FREM3: variants seen among roughly 807,000 people sequenced by gnomAD.
The protein encoded by FREM3 is FRAS1 related extracellular matrix 3.
Under a neutral mutation model 129.1 loss-of-function variants are expected in FREM3, and 105 were observed. The observed-to-expected ratio is 0.81, with a 90% CI of 0.69 to 0.96. The LOEUF is 0.96. Ranked by LOEUF, FREM3 falls within the 40% of genes least tolerant of loss-of-function variation. The pLI is 0.00. For synonymous variants in FREM3, 1,014 were observed against 1,044.9 expected, an observed-to-expected ratio of 0.97 and a Z score of 0.57; for missense variants, 2,593 against 2,666.3, an observed-to-expected ratio of 0.97 and a Z score of 0.61.
rs1239774049 is a variant in FREM3 at position 143,648,938 on chromosome 4, TA to T, written c.5276-21179del. On this transcript the variant is annotated intron_variant, in intron 2 of 7. Transcript: ENST00000329798. ...CACCACACCCAGCTAATTAAAGCAT[TA>T]AAAAAATAGAGATAGGGTCTTGCTA... 3.3e-5 allele frequency among the ~76,000 whole-genome samples: 5 copies of T among 152,170 alleles called. No individual in the cohort carries two copies. The East Asian group carries it at 5.8e-4, about 18-fold the overall frequency.
chr4:143,584,146 A>G (rs1042753376), intron 7 of FREM3, among the ~76,000 whole-genome samples: 3 of 152,014 alleles, frequency 2.0e-5, no homozygotes, highest in African/African-American at 7.3e-5. Flanking sequence ...GCGGTGGCTC[A>G]CGCCTGTAAT....
intron 2 of FREM3, among the ~76,000 whole-genome samples, chr4:143,654,107 A>G (rs573385707): frequency 2.0e-5 from 3 of 152,080 alleles, no homozygotes; most frequent in Non-Finnish European, 4.4e-5. Flanking sequence ...AATTAAAAAA[A>G]TTTTTTTATT....
Position 143,697,701 on chromosome 4 carries a change from G to A in FREM3, c.2975C>T (p.Pro992Leu). ...LMLSFIVKDS[P>L]KLGTILVNGL... is the part of the protein sequence containing the mutation. ...ATTTACCAGAATAGTGCCCAGTTTGGGGCTGTCCTTTACAATGAAAGACAG... is the reference window on the plus strand; with the variant it reads ...ATTTACCAGAATAGTGCCCAGTTTGAGGCTGTCCTTTACAATGAAAGACAG... Residue 992 changes from proline to leucine, a missense_variant, in exon 1 of 8, where the codon CCC (proline) becomes CTC (leucine). By Grantham distance (98) the Pro-to-Leu change is moderately conservative. Transcript: ENST00000329798. 6.5e-7 allele frequency: 1 copy of A among 1,537,652 alleles called. No homozygotes were observed. The highest frequency in any genetic ancestry group is 8.7e-7 in the Non-Finnish European group (1 of 1,147,020).
chr4:143,636,004 C>T (rs1176436235), intron 2 of FREM3, among the ~76,000 whole-genome samples: 1 of 152,026 alleles, frequency 6.6e-6, no homozygotes, highest in Non-Finnish European at 1.5e-5. Flanking sequence ...CTCATCTGCT[C>T]CCTCATCTAT....
intron 2 of FREM3, among the ~76,000 whole-genome samples, chr4:143,692,724 A>G (rs139615983): frequency 6.6e-6 from 1 of 152,314 alleles, no homozygotes; most frequent in East Asian, 1.9e-4. Context: ...AGTTCTGCAG[A>G]TAAAAATCCC....
At chr4:143,602,338 A>G (rs946456972) in intron 6 of FREM3, among the ~76,000 whole-genome samples, 2 of 152,210 alleles carry the variant, frequency 1.3e-5, no homozygotes, top group African/African-American at 2.4e-5. Flanking sequence ...TATTCTAAAA[A>G]AGATATAATT....
intron 6 of FREM3, among the ~76,000 whole-genome samples, chr4:143,592,392 C>G (rs572281336): frequency 2.8e-4 from 42 of 151,558 alleles, no homozygotes; most frequent in Non-Finnish European, 4.3e-4. Context: ...TTGTTCCTTT[C>G]CATGTTTAGT....
At chr4:143,588,371 C>T (rs561364022) in intron 6 of FREM3, among the ~76,000 whole-genome samples, 1 of 151,988 alleles carries the variant, frequency 6.6e-6, no homozygotes, top group Non-Finnish European at 1.5e-5. Context: ...TTAGGTATAT[C>T]TCCTAATGCT....
intron 2 of FREM3, among the ~76,000 whole-genome samples, chr4:143,674,731 G>A (rs965189672): frequency 2.0e-5 from 3 of 152,036 alleles, no homozygotes; most frequent in Non-Finnish European, 4.4e-5. Flanking sequence ...AAAAAAGCAG[G>A]GGTTGCAATC....
In FREM3 at chr4:143,697,791, T is replaced by C; in HGVS notation, c.2885A>G (p.Asn962Ser). ...ACCCATGGTAATTTCAGTGGCTTTA[T>C]TCTCTAGTACGTCTATAGAAACATC... ...LLDVSIDVLE[N>S]KATEITMGVI... Residue 962 changes from asparagine (N) to serine (S), a missense_variant, in exon 1 of 8, where the codon AAT becomes AGT. By Grantham distance (46) the Asn-to-Ser change is conservative. Coordinates refer to ENST00000329798, the MANE Select transcript of FREM3 (RefSeq NM_001168235.2). 1 of 1,537,638 alleles carries C rather than the reference T, an allele frequency of 6.5e-7. No individual in the cohort carries two copies. The highest frequency in any genetic ancestry group is 2.4e-5 in the East Asian group (1 of 40,918).
chr4:143,616,446 G>C (rs542036503), intron 5 of FREM3, among the ~76,000 whole-genome samples: 1 of 152,150 alleles, frequency 6.6e-6, no homozygotes, highest in East Asian at 1.9e-4. Flanking sequence ...TAAAAGGAAA[G>C]AAAAAAGAAA....
At chr4:143,590,896 A>C (rs1738348269) in intron 6 of FREM3, among the ~76,000 whole-genome samples, 4 of 152,170 alleles carry the variant, frequency 2.6e-5, no homozygotes, top group Admixed American at 2.6e-4. Context: ...TAAGCTATTA[A>C]TTATTGCCTC....
chr4:143,596,062 C>T lies in FREM3; in HGVS notation c.6029-10069G>A, dbSNP rs190158662. Among the ~76,000 whole-genome samples, 44 of 152,006 alleles carry T rather than the reference C, an allele frequency of 2.9e-4. No individual in the cohort carries two copies. In the South Asian group the frequency reaches 2.9e-3, roughly 10 times the overall value. On this transcript the variant is annotated intron_variant, in intron 6 of 7. Coordinates refer to ENST00000329798, the MANE Select transcript of FREM3 (RefSeq NM_001168235.2). ...ACACATAAGCATGAAAAAAGCCTAC[C>T]GTTTAGGAAGGGATGCAAGAACTTG...
intron 2 of FREM3, among the ~76,000 whole-genome samples, chr4:143,663,552 A>G (rs1259608433): frequency 6.6e-6 from 1 of 151,898 alleles, no homozygotes; most frequent in Non-Finnish European, 1.5e-5. Context: ...GAATCTGACA[A>G]TTTATGTGTC....
chr4:143,614,135 T>C (rs1738805898), intron 5 of FREM3, among the ~76,000 whole-genome samples: 1 of 152,188 alleles, frequency 6.6e-6, no homozygotes, highest in Non-Finnish European at 1.5e-5. Flanking sequence ...ATCAAGACAA[T>C]ATGTTTTAGC....
At chr4:143,606,355 T>C (rs1738667931) in intron 6 of FREM3, among the ~76,000 whole-genome samples, 1 of 147,310 alleles carries the variant, frequency 6.8e-6, no homozygotes, top group Admixed American at 6.9e-5. Context: ...GATTACTATA[T>C]TATGGAATAT....
chr4:143,654,556 A>G (rs886410426), intron 2 of FREM3, among the ~76,000 whole-genome samples: 1 of 152,230 alleles, frequency 6.6e-6, no homozygotes, highest in African/African-American at 2.4e-5. Context: ...GATTCACCAA[A>G]TTCTCCGGGG....
Position 143,697,069 on chromosome 4 carries a change from C to T in FREM3, c.3607G>A (p.Val1203Ile). Residue 1203 changes from valine to isoleucine, a missense_variant, in exon 1 of 8, where the codon GTA becomes ATA. Around this residue, in one of 2 missense-constraint regions of FREM3, gnomAD observed 2,276 missense variants for 2,267.2 expected, o/e 1.00. Coordinates refer to ENST00000329798, the MANE Select transcript of FREM3 (RefSeq NM_001168235.2). ...ATGACCAGGCTCATCCCCTCTAGTA[C>T]CTTAAACTCATGGGCAAAAAGTTTA... Reference protein sequence around the residue: ...QPKLFAHEFKVLEGMSLVIDT... With the variant: ...QPKLFAHEFKILEGMSLVIDT... The T allele has an allele frequency of 6.5e-7, 1 of 1,537,572 alleles. No homozygotes were observed. The highest frequency in any genetic ancestry group is 8.7e-7 in the Non-Finnish European group (1 of 1,147,000).
At chr4:143,603,224 G>A (rs1436076731) in intron 6 of FREM3, among the ~76,000 whole-genome samples, 2 of 152,200 alleles carry the variant, frequency 1.3e-5, no homozygotes, top group African/African-American at 2.4e-5. Flanking sequence ...GCCATGGACT[G>A]CAGTGATGAG....
Sources: gnomAD v4.1 joint callset for allele counts (sites outside exome capture counted in the v4.1 genomes callset) on GRCh38, gnomAD v4.1.1 for gene constraint, gnomAD v4.1.1 regional missense constraint, MANE v1.5 for transcripts, NCBI Gene and HGNC (gene_info 2026-07-23, HGNC 2026-07-21) for gene names.